The following POLR1E variants were observed in gnomAD, a reference collection of about 807,000 sequenced individuals.
The protein encoded by POLR1E is RNA polymerase I subunit E.
In POLR1E, 37 loss-of-function variants were observed where a neutral mutation model predicts 50.9. That is an observed-to-expected ratio of 0.73 (90% CI 0.56 to 0.96). POLR1E has a LOEUF of 0.96. Ranked by LOEUF, POLR1E falls within the 40% of genes least tolerant of loss-of-function variation. The pLI is 0.00. For synonymous variants in POLR1E, 166 were observed against 191.6 expected, an observed-to-expected ratio of 0.87 and a Z score of 1.10; for missense variants, 426 against 518.1, an observed-to-expected ratio of 0.82 and a Z score of 1.73.
In POLR1E at chr9:37,485,977, C is replaced by G; in HGVS notation, c.-71C>G. On this transcript the variant is annotated 5_prime_UTR_variant, in exon 1 of 12. Coordinates refer to ENST00000377798, the MANE Select transcript of POLR1E (RefSeq NM_022490.4). ...TCCGGCCCGCAGCGCGGCCTGGGCT[C>G]CCGCGTGTTTAAAAGTGCGCTTGTG... 3 of 1,546,596 alleles carry G rather than the reference C, an allele frequency of 1.9e-6. No homozygotes were observed. Among genetic ancestry groups the G allele is most frequent in the Non-Finnish European group, 2.6e-6 (3 of 1,140,376 alleles).
chr9:37,495,255 G>C lies in POLR1E; in HGVS notation c.634G>C (p.Asp212His), dbSNP rs763560119. Residue 212 changes from aspartate to histidine, a missense_variant, in exon 7 of 12, where the codon GAC becomes CAC. Asp to His is a moderately conservative substitution (Grantham distance 81). Transcript: ENST00000377798. ...PCYDDAAKPE[D>H]VYKFEDLLSP... Reference sequence around the variant, plus strand: ...CTATGATGATGCAGCCAAGCCTGAAGACGTGTATAAATTTGAAGATCGTAT... The same window carrying C: ...CTATGATGATGCAGCCAAGCCTGAACACGTGTATAAATTTGAAGATCGTAT... 9 of 1,613,864 alleles carry C rather than the reference G, an allele frequency of 5.6e-6. No individual in the cohort carries two copies. The highest frequency in any genetic ancestry group is 5.1e-6 in the Non-Finnish European group (6 of 1,179,788).
At chr9:37,501,923 C>G in intron 11 of POLR1E, 79 bp downstream of exon 11, 4 of 1,442,494 alleles carry the variant, frequency 2.8e-6, no homozygotes, top group Non-Finnish European at 3.7e-6. Context: ...GCATGAGGCA[C>G]CACCAAGGGA....
chr9:37,486,115 C>G lies in POLR1E; in HGVS notation c.68C>G (p.Ala23Gly). ...GGGGCGCCCGACGGGAGCCAGAGAG[C>G]TGTACTGGGTAAAGACTGCGGAGCT... Reference protein sequence around the residue: ...YCGAPDGSQRAVLVQFSNGKL... With the variant: ...YCGAPDGSQRGVLVQFSNGKL... The change falls in exon 1 of 12, where the codon GCT (alanine) becomes GGT (glycine). Residue 23 changes from alanine to glycine, a missense_variant. Transcript: ENST00000377798. 1 of 1,598,284 alleles carries G rather than the reference C, an allele frequency of 6.3e-7. No homozygotes were observed. The highest frequency in any genetic ancestry group is 8.5e-7 in the Non-Finnish European group (1 of 1,173,894).
chr9:37,500,155 T>TTTTTGTTTTG (rs139118594), intron 9 of POLR1E, among the ~76,000 whole-genome samples: 1 of 146,004 alleles, frequency 6.8e-6, no homozygotes. Flanking sequence ...AGCCAGTTGT[T>TTTTTGTTTTG]TTTTGTTTTG....
chr9:37,496,883 G>A (rs1564324986), intron 8 of POLR1E, among the ~76,000 whole-genome samples: 1 of 152,152 alleles, frequency 6.6e-6, no homozygotes, highest in Non-Finnish European at 1.5e-5. Context: ...CTTGCTAGCA[G>A]TAGAGCAGTG....
At chr9:37,492,863 G>A in intron 5 of POLR1E, 148 bp downstream of exon 5, 3 of 718,152 alleles carry the variant, frequency 4.2e-6, no homozygotes, top group Middle Eastern at 3.0e-4. Context: ...CAATTAGTTT[G>A]TACCTGCAGA....
chr9:37,493,688 A>G lies in POLR1E; in HGVS notation c.532A>G (p.Thr178Ala). 1 of 1,572,000 alleles carries G rather than the reference A, an allele frequency of 6.4e-7. No individual in the cohort carries two copies. Among genetic ancestry groups the G allele is most frequent in the East Asian group, 2.3e-5 (1 of 43,010 alleles). ...VAKAAETIID[T>A]KGVTALVSDA... ...TAAAGCTGCAGAGACTATCATTGAT[A>G]CGAAGGGTGTGACTGGTAAGAAGTT... The change falls in exon 6 of 12, where the codon ACG (threonine) becomes GCG (alanine). Residue 178 changes from threonine to alanine, a missense_variant. Thr to Ala is a moderately conservative substitution (Grantham distance 58). Transcript: ENST00000377798.
At chr9:37,487,809 C>CT (rs1820605531) in intron 2 of POLR1E, 54 bp from the exon 3 acceptor site, 10 of 1,521,946 alleles carry the variant, frequency 6.6e-6, no homozygotes, top group Non-Finnish European at 9.1e-6. Flanking sequence ...AGAAATGATG[C>CT]TTAATACCTT....
chr9:37,497,084 G>A (rs1820798949), intron 8 of POLR1E, among the ~76,000 whole-genome samples: 1 of 152,170 alleles, frequency 6.6e-6, no homozygotes, highest in Non-Finnish European at 1.5e-5. Context: ...CGCTGGGCAC[G>A]GTGGCTCACA....
chr9:37,495,520 G>A (rs1820768463), intron 7 of POLR1E, among the ~76,000 whole-genome samples: 1 of 152,194 alleles, frequency 6.6e-6, no homozygotes, highest in African/African-American at 2.4e-5. Context: ...GCTTAGACCT[G>A]TGGGGCTCAC....
intron 4 of POLR1E, among the ~76,000 whole-genome samples, chr9:37,491,256 C>T (rs1353731355): frequency 6.6e-6 from 1 of 152,100 alleles, no homozygotes; most frequent in Non-Finnish European, 1.5e-5. Context: ...GGAACCATGG[C>T]AGGATAGGGC....
At chr9:37,499,519 TTTTTTGTTTTG>T (rs1163259762) in intron 9 of POLR1E, among the ~76,000 whole-genome samples, 10 of 93,878 alleles carry the variant, frequency 1.1e-4, no homozygotes, top group Non-Finnish European at 2.4e-4. Context: ...TTTTTGTTGT[TTTTTTGTTTTG>T]TTTTTGTTTT....
At chr9:37,500,561 T>A (rs1419873041) in intron 9 of POLR1E, among the ~76,000 whole-genome samples, 2 of 152,228 alleles carry the variant, frequency 1.3e-5, no homozygotes, top group Non-Finnish European at 2.9e-5. Flanking sequence ...TTTTGTTTTC[T>A]AAGGTCATGT....
intron 4 of POLR1E, among the ~76,000 whole-genome samples, chr9:37,492,038 C>G (rs775790695): frequency 4.6e-5 from 7 of 152,210 alleles, no homozygotes; most frequent in African/African-American, 1.4e-4. Flanking sequence ...AGTCACTGTT[C>G]TAAGCACTTT....
chr9:37,495,756 C>G, intron 7 of POLR1E, 134 bp from the exon 8 acceptor site: 1 of 643,510 alleles, frequency 1.6e-6, no homozygotes, highest in South Asian at 1.9e-5. Context: ...AGCTCTGCCC[C>G]TATGTGATCT....
intron 1 of POLR1E, 148 bp downstream of exon 1, chr9:37,486,271 G>A (rs1820573037): frequency 7.8e-7 from 1 of 1,278,844 alleles, no homozygotes; most frequent in Non-Finnish European, 1.1e-6. Flanking sequence ...CTCTGTCAGG[G>A]CTCCCCTGTC....
chr9:37,495,139 TG>T (rs762521134), intron 6 of POLR1E, 29 bp from the exon 7 acceptor site: 1 of 1,542,680 alleles, frequency 6.5e-7, no homozygotes, highest in East Asian at 2.2e-5. Flanking sequence ...ACAAACAGGG[TG>T]ATACATGGAT....
At chr9:37,487,815 A>G in intron 2 of POLR1E, 48 bp from the exon 3 acceptor site, 1 of 1,537,244 alleles carries the variant, frequency 6.5e-7, no homozygotes, top group Non-Finnish European at 9.0e-7. Flanking sequence ...GATGCTTAAT[A>G]CCTTTCAACA....
intron 1 of POLR1E, chr9:37,486,375 C>T: frequency 6.7e-7 from 1 of 1,489,696 alleles, no homozygotes; most frequent in Non-Finnish European, 9.0e-7. Flanking sequence ...CCCTCACCCA[C>T]CAGGTCTCCC....
Sources: allele counts gnomAD v4.1 joint callset (sites outside exome capture counted in the v4.1 genomes callset), GRCh38; gene constraint gnomAD v4.1.1; transcripts MANE v1.5; gene names NCBI Gene and HGNC (gene_info 2026-07-23, HGNC 2026-07-21).